PSD: variants seen among roughly 807,000 people sequenced by gnomAD.
PSD encodes PH and SEC7 domain-containing protein 1.
A neutral mutation model predicts 91.6 loss-of-function variants in PSD; 32 were observed. That is an observed-to-expected ratio of 0.35 (90% CI 0.26 to 0.47). PSD has a LOEUF of 0.47. PSD is among the 20% of genes least tolerant of loss of function. The pLI is 1.00. For missense variants in PSD, 1,099 were observed against 1,373.9 expected, an observed-to-expected ratio of 0.80 and a Z score of 3.16; for synonymous variants, 532 against 569.3, an observed-to-expected ratio of 0.93 and a Z score of 0.93.
intron 1 of PSD, among the ~76,000 whole-genome samples, chr10:102,417,773 A>G (rs1184221826): frequency 6.9e-6 from 1 of 144,854 alleles, no homozygotes; most frequent in East Asian, 2.0e-4. Context: ...GAATGGCGCT[A>G]TCTCAGCTCA....
rs199864469 is a variant in PSD at position 102,405,328 on chromosome 10, C to T, written c.2326+18G>A. ...ATCCATCCCCTAGACGCCCGCCCCC[C>T]GCAACTCGGCCACATACTCTTCCTG... is the stretch of plus-strand genomic sequence containing the variant. On this transcript the variant is annotated intron_variant, in intron 12 of 16. Transcript: ENST00000020673. This position sits in a 1 kb window ranked among gnomAD's most constrained non-coding sequence, Gnocchi z 5.4. 299 of 1,608,048 alleles carry T rather than the reference C, an allele frequency of 1.9e-4. No homozygotes were observed. The highest frequency in any genetic ancestry group is 1.8e-4 in the Non-Finnish European group (210 of 1,178,130).
At position 102,409,050 on chromosome 10, in the gene PSD, G is replaced by C; in HGVS notation, c.2092-1784C>G. 1.0e-6 allele frequency: 1 copy of C among 985,972 alleles called. No individual in the cohort carries two copies. The highest frequency in any genetic ancestry group is 1.2e-6 in the Non-Finnish European group (1 of 829,936). 61.1% of individuals were successfully genotyped at this position (985,972 alleles called of 1,614,324 possible). On this transcript the variant is annotated intron_variant, in intron 10 of 16. Transcript: ENST00000020673. This position sits in a 1 kb window ranked among gnomAD's most constrained non-coding sequence, Gnocchi z 5.7. ...CGCACGGAGCACAGCGAGCGCGAGCGCAGCCGCCCGGCGCTGCTGTGGATG... is the reference window on the plus strand; with the variant it reads ...CGCACGGAGCACAGCGAGCGCGAGCCCAGCCGCCCGGCGCTGCTGTGGATG...
rs147203944 is a variant in PSD at position 102,403,213 on chromosome 10, C to T, written c.3062G>A (p.Arg1021Gln). Residue 1021 changes from arginine (R) to glutamine (Q), a missense_variant, in exon 17 of 17, where the codon CGG (arginine) becomes CAG (glutamine). Physicochemically the swap from Arg to Gln is conservative, Grantham distance 43. This residue lies in a region of PSD where 358 missense variants were observed against 426.5 expected (regional missense o/e 0.84). Transcript: ENST00000020673. The surrounding 1 kb of genome is among the most constrained non-coding windows in gnomAD (Gnocchi z 6.7). ...CTAAACCTCATCTCAGGGCTTCCGC[C>T]GCCCACTGCCTGCCCCTGGCCGAGG... Reference protein sequence around the residue: ...SEPRPGAGSGRRKP With the variant: ...SEPRPGAGSGQRKP 675 of 1,568,754 alleles carry T rather than the reference C, an allele frequency of 4.3e-4. No individual in the cohort carries two copies. Among genetic ancestry groups the T allele is most frequent in the Middle Eastern group, 3.0e-3 (17 of 5,688 alleles).
At chr10:102,418,972 G>T, upstream of PSD, 1 of 345,108 alleles carries the variant, frequency 2.9e-6, no homozygotes, top group South Asian at 2.1e-5. Context: ...AAGGAGGAGG[G>T]CGCATGGAAC....
chr10:102,415,184 C>T lies in PSD; in HGVS notation c.803G>A (p.Gly268Asp), dbSNP rs369808037. 3.7e-6 allele frequency: 6 copies of T among 1,612,672 alleles called. No individual in the cohort carries two copies. In the African/African-American group the frequency reaches 8.0e-5, roughly 22 times the overall value. Reference protein sequence around the residue: ...EQAPPSPPGVGSRQGSGVAVG... With the variant: ...EQAPPSPPGVDSRQGSGVAVG... ...AGCCACCCCAGAGCCCTGCCTTGAG[C>T]CCACCCCAGGTGGAGATGGGGGGGC... The change falls in exon 4 of 17, where the codon GGC becomes GAC. Residue 268 changes from glycine to aspartate, a missense_variant. Physicochemically the swap from Gly to Asp is moderately conservative, Grantham distance 94. Transcript: ENST00000020673.
intron 7 of PSD, 127 bp downstream of exon 7, chr10:102,412,020 C>T: frequency 8.5e-7 from 1 of 1,170,622 alleles, no homozygotes; most frequent in Non-Finnish European, 1.3e-6. Context: ...TTGGCCATGC[C>T]CAGCCATCTT....
At chr10:102,417,540 C>A (rs1192214956) in intron 1 of PSD, among the ~76,000 whole-genome samples, 1 of 152,002 alleles carries the variant, frequency 6.6e-6, no homozygotes, top group South Asian at 2.1e-4. Context: ...GGAGGCCCCT[C>A]ACTCAGGGAA....
intron 3 of PSD, among the ~76,000 whole-genome samples, 182 bp from the exon 4 acceptor site, chr10:102,415,411 A>G (rs756767025): frequency 6.6e-6 from 1 of 152,182 alleles, no homozygotes; most frequent in Non-Finnish European, 1.5e-5. Context: ...TTTTAAATCA[A>G]GTTCTTGTCA....
rs768114689 is a variant in PSD, at chr10:102,405,567, G to A, written c.2136-31C>T. 7 of 1,579,908 alleles carry A rather than the reference G, an allele frequency of 4.4e-6. No individual in the cohort carries two copies. The African/African-American group carries it at 8.1e-5, about 18-fold the overall frequency. ...GGTGTGATCACCTCAGAGGGGGCTG[G>A]CCATGGAGCCGCGGCCCCCGCTTCA... is the stretch of plus-strand genomic sequence containing the variant. On this transcript the variant is annotated intron_variant, in intron 11 of 16. Transcript: ENST00000020673. This position sits in a 1 kb window ranked among gnomAD's most constrained non-coding sequence, Gnocchi z 5.4.
chr10:102,407,729 G>C (rs982721279), intron 10 of PSD, among the ~76,000 whole-genome samples: 2 of 151,942 alleles, frequency 1.3e-5, no homozygotes, highest in Non-Finnish European at 2.9e-5. Context: ...GGGAAACTGC[G>C]ACCCCAGGAT....
Position 102,404,261 on chromosome 10 carries a change from C to T in PSD, c.2701-276G>A, listed in dbSNP as rs528035851. ...TACTCAGGAGGCTGGGGCAGGAGAA[C>T]GGCGTGAACCCGGGAGGCAGAGCTT... On this transcript the variant is annotated intron_variant, in intron 15 of 16. Transcript: ENST00000020673. The surrounding 1 kb of genome is among the most constrained non-coding windows in gnomAD (Gnocchi z 5.7). Among the ~76,000 whole-genome samples, 29 of 150,014 alleles carry T rather than the reference C, an allele frequency of 1.9e-4. No individual in the cohort carries two copies. The highest frequency in any genetic ancestry group is 3.5e-4 in the Non-Finnish European group (24 of 67,772).
intron 1 of PSD, among the ~76,000 whole-genome samples, chr10:102,417,516 A>G (rs1407182208): frequency 6.6e-6 from 1 of 152,026 alleles, no homozygotes; most frequent in Non-Finnish European, 1.5e-5. Flanking sequence ...TGTGACCCCT[A>G]TAGTCTCTCT....
intron 8 of PSD, 109 bp from the exon 9 acceptor site, chr10:102,411,225 A>G (rs949953760): frequency 2.3e-5 from 22 of 956,258 alleles, no homozygotes; most frequent in Non-Finnish European, 3.4e-5. Flanking sequence ...GCAACTTCCT[A>G]CCTCCTGAAC....
Position 102,405,443 on chromosome 10 carries a change from G to A in PSD, c.2229C>T (p.Ser743=), listed in dbSNP as rs753005114. 3 of 1,613,888 alleles carry A rather than the reference G, an allele frequency of 1.9e-6. No homozygotes were observed. Among genetic ancestry groups the A allele is most frequent in the African/African-American group, 2.7e-5 (2 of 74,924 alleles). ...KRISGGSGSG[S]SPFLDLTPEP... is the part of the protein sequence containing the mutation. ...CGGGAGTCAGGTCCAGGAAAGGGCTGGAGCCACTGCCACTGCCCCCGCTGA... is the reference window on the plus strand; with the variant it reads ...CGGGAGTCAGGTCCAGGAAAGGGCTAGAGCCACTGCCACTGCCCCCGCTGA... Residue 743 remains serine, a synonymous_variant, in exon 12 of 17, where the codon TCC becomes TCT. Transcript: ENST00000020673. The surrounding 1 kb of genome is among the most constrained non-coding windows in gnomAD (Gnocchi z 5.4).
In PSD at chr10:102,406,940, T is replaced by C. The variant is rs368213186; in HGVS notation, c.2135+283A>G. 7.9e-4 allele frequency among the ~76,000 whole-genome samples: 121 copies of C among 152,316 alleles called. 2 individuals are homozygous for C. The highest frequency in any genetic ancestry group is 2.8e-3 in the African/African-American group (118 of 41,564). On this transcript the variant is annotated intron_variant, in intron 11 of 16. Transcript: ENST00000020673. ...TCAAGGCCCTGCTTCCAGAGGCTTCTGCTTTCCCACTCAGGTTGCCAGGGG... is the reference window on the plus strand; with the variant it reads ...TCAAGGCCCTGCTTCCAGAGGCTTCCGCTTTCCCACTCAGGTTGCCAGGGG...
In PSD at chr10:102,412,479, C is replaced by T. The variant is rs2061434414; in HGVS notation, c.1650G>A (p.Gly550=). Residue 550 remains glycine, a synonymous_variant, in exon 6 of 17, where the codon GGG becomes GGA. Transcript: ENST00000020673. The stretch of plus-strand genomic sequence containing the variant: ...GCGCAGCCTCCAGGTCCGCTTTCTG[C>T]CCATTGGACAAGGTGTCTGTGCTTC... ...ALGSTDTLSN[G]QKADLEAAQR... is the part of the protein sequence containing the mutation. 6.2e-7 allele frequency: 1 copy of T among 1,614,122 alleles called. No individual in the cohort carries two copies.
In PSD at chr10:102,409,079, T is replaced by A; in HGVS notation, c.2091+1779A>T. The stretch of plus-strand genomic sequence containing the variant: ...CCGCCCGGCGCTGCTGTGGATGCTG[T>A]TGACGCCGATCATGCTGGCCCGGCC... On this transcript the variant is annotated intron_variant, in intron 10 of 16. Coordinates refer to ENST00000020673, the MANE Select transcript of PSD (RefSeq NM_002779.5). The surrounding 1 kb of genome is among the most constrained non-coding windows in gnomAD (Gnocchi z 5.7). 1.0e-6 allele frequency: 1 copy of A among 984,756 alleles called. No homozygotes were observed. The highest frequency in any genetic ancestry group is 1.2e-6 in the Non-Finnish European group (1 of 829,662). The allele number at this position is 984,756 out of a possible 1,614,324, so 61.0% of individuals were successfully genotyped here.
intron 11 of PSD, among the ~76,000 whole-genome samples, chr10:102,406,634 A>C (rs1443516018): frequency 1.3e-5 from 2 of 151,444 alleles, no homozygotes; most frequent in Non-Finnish European, 2.9e-5. Context: ...CAGCCTCCTG[A>C]GTAGCTGAGA....
In PSD at chr10:102,410,628, C is replaced by G. The variant is rs1490138741; in HGVS notation, c.2091+230G>C. Among the ~76,000 whole-genome samples, 4 of 152,186 alleles carry G rather than the reference C, an allele frequency of 2.6e-5. No individual in the cohort carries two copies. Among genetic ancestry groups the G allele is most frequent in the African/African-American group, 7.2e-5 (3 of 41,442 alleles). ...TTTTCCAGAGCCGGGTCCCCTCCCC[C>G]GCCGTGCGCAGTCGCGACCGCACGC... On this transcript the variant is annotated intron_variant, in intron 10 of 16. Coordinates refer to ENST00000020673, the MANE Select transcript of PSD (RefSeq NM_002779.5). This position sits in a 1 kb window ranked among gnomAD's most constrained non-coding sequence, Gnocchi z 6.0.
Sources: allele counts gnomAD v4.1 joint callset (sites outside exome capture counted in the v4.1 genomes callset), GRCh38; gene constraint gnomAD v4.1.1; regional missense constraint gnomAD v4.1.1; non-coding constraint Gnocchi (gnomAD v3.1); transcripts MANE v1.5; gene names NCBI Gene and HGNC (gene_info 2026-07-23, HGNC 2026-07-21).